The following PODN variants were observed in gnomAD, a reference collection of about 807,000 sequenced individuals.
The protein encoded by PODN is podocan, also known as podocan proteoglycan.
A neutral mutation model predicts 52.7 loss-of-function variants in PODN; 40 were observed. The ratio of observed to expected loss-of-function variants is 0.76; its 90% CI spans 0.59 to 0.99. The LOEUF is 0.99. Among genes scored for constraint, PODN ranks in the 50% least tolerant of loss-of-function variants. The probability of loss-of-function intolerance (pLI) is 0.00; values close to 1 mark genes in which losing one functional copy is unlikely to be tolerated. For synonymous variants in PODN, 396 were observed against 377.9 expected, an observed-to-expected ratio of 1.05 and a Z score of -0.56; for missense variants, 720 against 815.1, an observed-to-expected ratio of 0.88 and a Z score of 1.42.
intron 1 of PODN, among the ~76,000 whole-genome samples, chr1:53,065,120 T>G (rs1644012478): frequency 6.6e-6 from 1 of 152,164 alleles, no homozygotes; most frequent in Admixed American, 6.5e-5. Context: ...TCCCAGCACT[T>G]TGGGAGGCCG....
Position 53,078,459 on chromosome 1 carries a change from G to A in PODN, c.949G>A (p.Glu317Lys). ...LPRSLVLLHL[E>K]KNAIRSVDAN... ...GCGCAGCCTGGTGCTGCTGCACTTGGAGAAGAACGCCATCCGGAGCGTGGA... is the reference window on the plus strand; with the variant it reads ...GCGCAGCCTGGTGCTGCTGCACTTGAAGAAGAACGCCATCCGGAGCGTGGA... The change falls in exon 8 of 11, where the codon GAG (glutamate) becomes AAG (lysine). Residue 317 changes from glutamate to lysine, a missense_variant. Coordinates refer to ENST00000312553, the MANE Select transcript of PODN (RefSeq NM_153703.5). 1.2e-6 allele frequency: 2 copies of A among 1,613,432 alleles called. No homozygotes were observed. The highest frequency in any genetic ancestry group is 1.7e-6 in the Non-Finnish European group (2 of 1,180,036).
chr1:53,062,225 A>G lies in PODN; in HGVS notation c.-139A>G. On this transcript the variant is annotated 5_prime_UTR_variant, in exon 1 of 11. Coordinates refer to ENST00000312553, the MANE Select transcript of PODN (RefSeq NM_153703.5). The stretch of plus-strand genomic sequence containing the variant: ...GAGCGCCCAGCTTGACTTGAATGGA[A>G]GGAGCCCGAGCCCGCGGAGCGCAGC... The G allele has an allele frequency of 7.9e-7, 1 of 1,273,050 alleles. No homozygotes were observed. The highest frequency in any genetic ancestry group is 1.0e-6 in the Non-Finnish European group (1 of 1,002,738). 78.9% of individuals were successfully genotyped at this position (1,273,050 alleles called of 1,614,324 possible).
chr1:53,071,569 T>TATC lies in PODN; in HGVS notation c.347_348insATC (p.Ser117dup). On this transcript the variant is annotated inframe_insertion, in exon 3 of 11. Coordinates refer to ENST00000312553, the MANE Select transcript of PODN (RefSeq NM_153703.5). ...CTGGAAAAGATCTACCCTGAGGAGC[T>TATC]CTCCCGGCTGCACCGGCTGGAGACG... 6.2e-7 allele frequency: 1 copy of TATC among 1,613,816 alleles called. No individual in the cohort carries two copies. Among genetic ancestry groups the TATC allele is most frequent in the Non-Finnish European group, 8.5e-7 (1 of 1,179,966 alleles).
chr1:53,069,699 C>T lies in PODN; in HGVS notation c.-55-102C>T, dbSNP rs80006389. On this transcript the variant is annotated intron_variant, in intron 1 of 10. Transcript: ENST00000312553. ...GGTGCGGAGGGCAGCAGTCAGTCAT[C>T]GGCTGGGCTCTGAGGACAGTCCAGA... The T allele has an allele frequency of 2.7e-3, 3,893 of 1,446,938 alleles. 93 individuals are homozygous for T. The African/African-American group carries it at 0.051, about 19-fold the overall frequency. 89.6% of individuals were successfully genotyped at this position (1,446,938 alleles called of 1,614,324 possible).
At chr1:53,069,652 G>A in intron 1 of PODN, 149 bp from the exon 2 acceptor site, 1 of 1,199,182 alleles carries the variant, frequency 8.3e-7, no homozygotes, top group Non-Finnish European at 1.1e-6. Flanking sequence ...CCTCTGGAGG[G>A]CAGCCTGGTG....
At chr1:53,081,129 T>C (rs963020968) in intron 9 of PODN, among the ~76,000 whole-genome samples, 1 of 152,258 alleles carries the variant, frequency 6.6e-6, no homozygotes, top group African/African-American at 2.4e-5. Flanking sequence ...CTGGACAGCA[T>C]CTTCCTGGTT....
intron 6 of PODN, 150 bp downstream of exon 6, chr1:53,077,496 G>A: frequency 7.7e-7 from 1 of 1,302,992 alleles, no homozygotes; most frequent in Non-Finnish European, 1.1e-6. Flanking sequence ...CTACTGTGGA[G>A]AAGTGGGCAG....
intron 9 of PODN, 40 bp downstream of exon 9, chr1:53,080,916 G>T: frequency 6.2e-7 from 1 of 1,606,264 alleles, no homozygotes; most frequent in Non-Finnish European, 8.5e-7. Context: ...CCCCCGTGGG[G>T]CCCACCCTGG....
In PODN at chr1:53,082,179, T is replaced by C; in HGVS notation, c.*18T>C. 6.3e-7 allele frequency: 1 copy of C among 1,580,488 alleles called. No homozygotes were observed. Among genetic ancestry groups the C allele is most frequent in the East Asian group, 2.3e-5 (1 of 44,014 alleles). On this transcript the variant is annotated 3_prime_UTR_variant, in exon 10 of 11. Transcript: ENST00000312553. Reference sequence around the variant, plus strand: ...CAAGATAGTGACAAGGTGATGCAGATGTGACCTAGGTATGTGGCCTGTATG... The same window carrying C: ...CAAGATAGTGACAAGGTGATGCAGACGTGACCTAGGTATGTGGCCTGTATG...
In PODN at chr1:53,062,258, G is replaced by C. The variant is rs545143958; in HGVS notation, c.-106G>C. 38 of 1,273,946 alleles carry C rather than the reference G, an allele frequency of 3.0e-5. No homozygotes were observed. The South Asian group carries it at 1.3e-3, about 45-fold the overall frequency. The allele number at this position is 1,273,946 out of a possible 1,614,324, so 78.9% of individuals were successfully genotyped here. A position where few individuals can be genotyped will look rare whatever the true frequency, so the allele number is the denominator to read the frequency against. ...GAGCCCGCGGAGCGCAGCTGAGACT[G>C]GGGGAGCGCGTTCGGCCTGTGGGGC... On this transcript the variant is annotated 5_prime_UTR_variant, in exon 1 of 11. Transcript: ENST00000312553.
intron 1 of PODN, 143 bp downstream of exon 1, chr1:53,062,451 G>A (rs1643971634): frequency 7.1e-6 from 4 of 560,246 alleles, no homozygotes; most frequent in African/African-American, 2.0e-5. Flanking sequence ...GTAGGACCCT[G>A]CACCCAGGGC....
chr1:53,064,029 C>A (rs553764956), intron 1 of PODN, among the ~76,000 whole-genome samples: 1 of 152,318 alleles, frequency 6.6e-6, no homozygotes, highest in East Asian at 1.9e-4. Flanking sequence ...AGAACTCCCG[C>A]TCAGTCTTCA....
chr1:53,074,698 T>G (rs1572268098), intron 4 of PODN, 28 bp downstream of exon 4: 1 of 1,603,012 alleles, frequency 6.2e-7, no homozygotes, highest in Non-Finnish European at 8.5e-7. Flanking sequence ...GGGTGGGGGG[T>G]TGCTGCCCTG....
At chr1:53,069,664 G>A in intron 1 of PODN, 137 bp from the exon 2 acceptor site, 1 of 1,284,624 alleles carries the variant, frequency 7.8e-7, no homozygotes, top group Non-Finnish European at 1.0e-6. Flanking sequence ...AGCCTGGTGG[G>A]GGTTGGGCAG....
chr1:53,062,840 G>A (rs1295503717), intron 1 of PODN, among the ~76,000 whole-genome samples: 1 of 152,278 alleles, frequency 6.6e-6, no homozygotes, highest in East Asian at 1.9e-4. Flanking sequence ...CGGACGCCGG[G>A]TGGGTCCCCT....
Position 53,069,958 on chromosome 1 carries a change from G to A in PODN, c.103G>A (p.Gly35Ser), listed in dbSNP as rs1008490478. ...VRAPGFGRSG[G>S]HSLSPEENEF... ...GGCCCCAGGATTTGGCCGAAGTGGC[G>A]GCCACAGCCTGAGCCCCGAAGAGAA... Residue 35 changes from glycine (G) to serine (S), a missense_variant, in exon 2 of 11, where the codon GGC (glycine) becomes AGC (serine). Gly to Ser is a moderately conservative substitution (Grantham distance 56). Transcript: ENST00000312553. The A allele has an allele frequency of 1.2e-5, 19 of 1,601,362 alleles. No homozygotes were observed. The highest frequency in any genetic ancestry group is 6.8e-5 in the East Asian group (3 of 44,318).
At chr1:53,073,504 G>C (rs1189529283) in intron 3 of PODN, 1 of 152,252 alleles carries the variant, frequency 6.6e-6, no homozygotes, top group African/African-American at 2.4e-5. Context: ...GGATGCGCAG[G>C]AGAGAGGCTT....
Position 53,069,867 on chromosome 1 carries a change from C to T in PODN, c.12C>T (p.Ser4=), listed in dbSNP as rs374230946. ...CCCCTGCAGGCACCATGGCCCAGAG[C>T]CGGGTGCTGCTGCTCCTGCTGCTGC... MAQ[S]RVLLLLLLLP... The change falls in exon 2 of 11, where the codon AGC becomes AGT. Residue 4 remains serine (S), a synonymous_variant. Transcript: ENST00000312553. The T allele has an allele frequency of 4.2e-4, 660 of 1,569,318 alleles. 2 individuals carry two copies. In the African/African-American group the frequency reaches 7.6e-3, roughly 18 times the overall value.
Position 53,077,789 on chromosome 1 carries a change from C to G in PODN, c.843C>G (p.Asn281Lys), listed in dbSNP as rs567995586. 1 of 1,613,390 alleles carries G rather than the reference C, an allele frequency of 6.2e-7. No homozygotes were observed. The highest frequency in any genetic ancestry group is 8.5e-7 in the Non-Finnish European group (1 of 1,179,852). Reference sequence around the variant, plus strand: ...ACCTGACTGACGAGGGCCTGGACAACGAGACCTTCTGGTGAGTCCTTGTCT... The same window carrying G: ...ACCTGACTGACGAGGGCCTGGACAAGGAGACCTTCTGGTGAGTCCTTGTCT... The part of the protein sequence containing the change: ...NNYLTDEGLD[N>K]ETFWKLSSLE... The change falls in exon 7 of 11, where the codon AAC (asparagine) becomes AAG (lysine). Residue 281 changes from asparagine (N) to lysine (K), a missense_variant. Coordinates refer to ENST00000312553, the MANE Select transcript of PODN (RefSeq NM_153703.5).
Sources: gnomAD v4.1 joint callset for allele counts (sites outside exome capture counted in the v4.1 genomes callset) on GRCh38, gnomAD v4.1.1 for gene constraint, MANE v1.5 for transcripts, NCBI Gene and HGNC (gene_info 2026-07-23, HGNC 2026-07-21) for gene names.